Variants in PRDM16 observed in about 807,000 individuals in gnomAD.
The protein encoded by PRDM16 is histone-lysine N-methyltransferase PRDM16.
A neutral mutation model predicts 110.6 loss-of-function variants in PRDM16; 23 were observed. That is an observed-to-expected ratio of 0.21 (90% confidence interval 0.15 to 0.29). The LOEUF (loss-of-function observed/expected upper bound fraction) is 0.29. Among genes scored for constraint, PRDM16 ranks in the 10% least tolerant of loss-of-function variants. The pLI, the probability that PRDM16 is intolerant of heterozygous loss-of-function variation, is 1.00. For missense variants in PRDM16, 1,615 were observed against 1,794.3 expected (o/e 0.90, Z 1.81); for synonymous variants, 799 against 781.8 (o/e 1.02, Z -0.37).
chr1:3,094,811 G>T (rs1642357168), intron 1 of PRDM16, among the ~76,000 whole-genome samples: 1 of 152,188 alleles, frequency 6.6e-6, no homozygotes, highest in South Asian at 2.1e-4. Context: ...CCAGGGAGGT[G>T]GGGCCTTGTC....
chr1:3,116,798 C>T lies in PRDM16; in HGVS notation c.37+47502C>T, dbSNP rs915698110. On this transcript the variant is annotated intron_variant, in intron 1 of 16. Coordinates refer to ENST00000270722, the MANE Select transcript of PRDM16 (RefSeq NM_022114.4). ...CCTAGCTGCTCCATGGCTCTGGCCC[C>T]GCTGGTGACTTGGTGGAGGGCTTGG... is the stretch of plus-strand genomic sequence containing the variant. Among the ~76,000 whole-genome samples, 5 of 152,200 alleles carry T rather than the reference C, an allele frequency of 3.3e-5. No homozygotes were observed. The East Asian group carries it at 5.8e-4, about 18-fold the overall frequency.
intron 3 of PRDM16, among the ~76,000 whole-genome samples, chr1:3,287,991 C>T (rs1640895624): frequency 6.6e-6 from 1 of 152,248 alleles, no homozygotes; most frequent in African/African-American, 2.4e-5. Flanking sequence ...GAGTTACAGG[C>T]AGAGCCCTGG....
rs1367955180 is a variant in PRDM16, at chr1:3,080,913, A to T, written c.37+11617A>T. Among the ~76,000 whole-genome samples the T allele has an allele frequency of 6.6e-6, 1 of 151,272 alleles. No individual in the cohort carries two copies. The highest frequency in any genetic ancestry group is 1.9e-4 in the East Asian group (1 of 5,132). ...CCCGAGCACCCAACGCTTCCCGGAG[A>T]GCTTGTGTGCCTGAGAGTGTGTGTG... On this transcript the variant is annotated intron_variant, in intron 1 of 16. Coordinates refer to ENST00000270722, the MANE Select transcript of PRDM16 (RefSeq NM_022114.4). The surrounding 1 kb of genome is among the most constrained non-coding windows in gnomAD (Gnocchi z 5.2).
intron 3 of PRDM16, among the ~76,000 whole-genome samples, chr1:3,258,190 G>A (rs1487970293): frequency 6.6e-6 from 1 of 152,148 alleles, no homozygotes; most frequent in Non-Finnish European, 1.5e-5. Flanking sequence ...AGATGCCCGT[G>A]TCCTCCTGCG....
At position 3,434,160 on chromosome 1, in the gene PRDM16, G is replaced by A. The variant is rs901682427; in HGVS notation, c.*349G>A. 6.2e-6 allele frequency: 2 copies of A among 324,610 alleles called. No homozygotes were observed. Among genetic ancestry groups the A allele is most frequent in the Middle Eastern group, 8.3e-4 (1 of 1,202 alleles). The allele number at this position is 324,610 out of a possible 1,614,324, so 20.1% of individuals were successfully genotyped here. A position where few individuals can be genotyped will look rare whatever the true frequency, so the allele number is the denominator to read the frequency against. Reference sequence around the variant, plus strand: ...CTGGTGGCCACTGCCGGGTGCCCGCGTGGGGTCGCGGAAGGGAATGGATAG... The same window carrying A: ...CTGGTGGCCACTGCCGGGTGCCCGCATGGGGTCGCGGAAGGGAATGGATAG... On this transcript the variant is annotated 3_prime_UTR_variant, in exon 17 of 17. Transcript: ENST00000270722.
chr1:3,317,833 A>T (rs1283175122), intron 3 of PRDM16, among the ~76,000 whole-genome samples: 1 of 152,258 alleles, frequency 6.6e-6, no homozygotes, highest in African/African-American at 2.4e-5. Context: ...AGGCAAAATG[A>T]CAGGCTGGTT....
At chr1:3,103,186 G>A (rs1420793617) in intron 1 of PRDM16, among the ~76,000 whole-genome samples, 2 of 152,166 alleles carry the variant, frequency 1.3e-5, no homozygotes, top group Non-Finnish European at 2.9e-5. Flanking sequence ...CAAGTACCTC[G>A]GACCACAGAC....
intron 2 of PRDM16, among the ~76,000 whole-genome samples, chr1:3,235,157 C>T (rs933439333): frequency 2.0e-5 from 3 of 152,354 alleles, no homozygotes; most frequent in African/African-American, 4.8e-5. Flanking sequence ...CCTGCGAGGC[C>T]GCCCAGCCGC....
In PRDM16 at chr1:3,116,628, C is replaced by T. The variant is rs953600432; in HGVS notation, c.37+47332C>T. 3.9e-5 allele frequency among the ~76,000 whole-genome samples: 6 copies of T among 152,320 alleles called. No homozygotes were observed. The South Asian group carries it at 1.2e-3, about 32-fold the overall frequency. ...CTGCCCCAGGGGACCGCAGCTCCGGCTCTGATGGCAGACACGGTGTGGCCT... is the reference window on the plus strand; with the variant it reads ...CTGCCCCAGGGGACCGCAGCTCCGGTTCTGATGGCAGACACGGTGTGGCCT... On this transcript the variant is annotated intron_variant, in intron 1 of 16. Coordinates refer to ENST00000270722, the MANE Select transcript of PRDM16 (RefSeq NM_022114.4).
chr1:3,388,541 A>G (rs1643240894), intron 4 of PRDM16, among the ~76,000 whole-genome samples: 2 of 152,222 alleles, frequency 1.3e-5, no homozygotes, highest in South Asian at 4.1e-4. Flanking sequence ...AGGGCAGAAG[A>G]CAGTGTAAAC....
At chr1:3,313,837 C>CA (rs1388759699) in intron 3 of PRDM16, among the ~76,000 whole-genome samples, 1 of 152,262 alleles carries the variant, frequency 6.6e-6, no homozygotes, top group Non-Finnish European at 1.5e-5. Context: ...CCTTGTAGTG[C>CA]AGCGAATCTG....
chr1:3,143,937 G>T lies in PRDM16; in HGVS notation c.38-42188G>T, dbSNP rs754627630. ...CTTGTCATGTGTTAGTCGTAGTGAA[G>T]GCTCCACAAGCACTTTTGAGGCCAG... On this transcript the variant is annotated intron_variant, in intron 1 of 16. Coordinates refer to ENST00000270722, the MANE Select transcript of PRDM16 (RefSeq NM_022114.4). The surrounding 1 kb of genome is among the most constrained non-coding windows in gnomAD (Gnocchi z 4.5). 3.7e-4 allele frequency among the ~76,000 whole-genome samples: 57 copies of T among 152,178 alleles called. No homozygotes were observed. Among genetic ancestry groups the T allele is most frequent in the Non-Finnish European group, 5.7e-4 (39 of 68,034 alleles).
chr1:3,071,510 C>T (rs538788309), intron 1 of PRDM16, among the ~76,000 whole-genome samples: 66 of 152,376 alleles, frequency 4.3e-4, no homozygotes, highest in African/African-American at 1.3e-3. Flanking sequence ...CAGCTGGGAC[C>T]GCTTGTCCCA....
At chr1:3,257,352 G>C (rs1408369645) in intron 3 of PRDM16, among the ~76,000 whole-genome samples, 1 of 152,132 alleles carries the variant, frequency 6.6e-6, no homozygotes, top group Non-Finnish European at 1.5e-5. Flanking sequence ...GTATGAGGGA[G>C]GGCACTGCTG....
chr1:3,149,357 C>T (rs1643735003), intron 1 of PRDM16, among the ~76,000 whole-genome samples: 1 of 152,104 alleles, frequency 6.6e-6, no homozygotes, highest in African/African-American at 2.4e-5. Flanking sequence ...AACCAGGAGG[C>T]AGGGGGCCAG....
rs989588731 is a variant in PRDM16, at chr1:3,157,452, G to T, written c.38-28673G>T. 6.2e-5 allele frequency among the ~76,000 whole-genome samples: 9 copies of T among 144,736 alleles called. No individual in the cohort carries two copies. Among genetic ancestry groups the T allele is most frequent in the Non-Finnish European group, 1.1e-4 (7 of 66,188 alleles). 95.0% of individuals were successfully genotyped at this position (144,736 alleles called of 152,430 possible). A position where few individuals can be genotyped will look rare whatever the true frequency, so the allele number is the denominator to read the frequency against. On this transcript the variant is annotated intron_variant, in intron 1 of 16. Transcript: ENST00000270722. The surrounding 1 kb of genome is among the most constrained non-coding windows in gnomAD (Gnocchi z 4.8). ...AAAAAAAAAAAAAAAACACCTTTGTGGGGGCTGGGGGTTGATTGTCTCTTG... is the reference window on the plus strand; with the variant it reads ...AAAAAAAAAAAAAAAACACCTTTGTTGGGGCTGGGGGTTGATTGTCTCTTG...
chr1:3,117,279 C>T (rs1170513781), intron 1 of PRDM16, among the ~76,000 whole-genome samples: 1 of 152,204 alleles, frequency 6.6e-6, no homozygotes, highest in African/African-American at 2.4e-5. Context: ...ACCGGGAGTG[C>T]TGGCCCCAGC....
At chr1:3,197,904 G>A (rs1638520496) in intron 2 of PRDM16, among the ~76,000 whole-genome samples, 1 of 152,198 alleles carries the variant, frequency 6.6e-6, no homozygotes. Context: ...GGCAGTGGCA[G>A]GTCCCACTGC....
chr1:3,077,046 C>A (rs957419284), intron 1 of PRDM16, among the ~76,000 whole-genome samples: 1 of 152,282 alleles, frequency 6.6e-6, no homozygotes, highest in African/African-American at 2.4e-5. Context: ...ATTGAAGTGA[C>A]CCCCACAGGG....
Sources: gnomAD v4.1 joint callset for allele counts (sites outside exome capture counted in the v4.1 genomes callset) on GRCh38, gnomAD v4.1.1 for gene constraint, Gnocchi (gnomAD v3.1) non-coding constraint, MANE v1.5 for transcripts, NCBI Gene and HGNC (gene_info 2026-07-23, HGNC 2026-07-21) for gene names.